The following DAB1 variants were observed in gnomAD, a reference collection of about 807,000 sequenced individuals.
DAB1 encodes the protein disabled homolog 1.
A neutral mutation model predicts 64.6 loss-of-function variants in DAB1; 15 were observed. The ratio of observed to expected loss-of-function variants is 0.23; its 90% CI spans 0.16 to 0.36. The LOEUF is 0.36. DAB1 is among the 10% of genes least tolerant of loss of function. DAB1 has a pLI of 1.00. For missense variants in DAB1, 596 were observed against 706.7 expected (o/e 0.84, Z 1.78); for synonymous variants, 235 against 251.9 (o/e 0.93, Z 0.64).
intron 5 of DAB1, among the ~76,000 whole-genome samples, chr1:57,962,959 T>C (rs578135299): frequency 2.6e-5 from 4 of 152,234 alleles, no homozygotes; most frequent in South Asian, 4.1e-4. Flanking sequence ...TTTTATGCTA[T>C]ATTTTCTTAC....
rs556969968 is a variant in DAB1 at position 57,368,370 on chromosome 1, G to T, written c.-137+55560C>A. ...GGGGCTGAAGGATGGGGGCGGGGCTGCCAGTCCCACGAACCAGAGTGGGAA... is the reference window on the plus strand; with the variant it reads ...GGGGCTGAAGGATGGGGGCGGGGCTTCCAGTCCCACGAACCAGAGTGGGAA... On this transcript the variant is annotated intron_variant, in intron 1 of 14. Coordinates refer to ENST00000371236, the MANE Select transcript of DAB1 (RefSeq NM_001365792.1). Among the ~76,000 whole-genome samples the T allele has an allele frequency of 4.6e-4, 70 of 152,272 alleles. 2 individuals carry two copies. In the East Asian group the frequency reaches 0.01, roughly 22 times the overall value.
chr1:58,013,915 AG>A (rs1646704539), intron 5 of DAB1, among the ~76,000 whole-genome samples: 1 of 150,614 alleles, frequency 6.6e-6, no homozygotes, highest in East Asian at 1.9e-4. Flanking sequence ...TTTCTTTTTA[AG>A]ATGACTGTAG....
chr1:57,728,419 C>T (rs1232578326), intron 6 of DAB1, among the ~76,000 whole-genome samples: 2 of 152,026 alleles, frequency 1.3e-5, no homozygotes, highest in Non-Finnish European at 2.9e-5. Context: ...CGGTGAAACC[C>T]CGGCTCTACT....
chr1:57,577,158 A>G (rs752188466), intron 7 of DAB1, among the ~76,000 whole-genome samples: 3 of 152,178 alleles, frequency 2.0e-5, no homozygotes, highest in Non-Finnish European at 2.9e-5. Context: ...ACACTTTGGT[A>G]CCCATTCAGA....
At chr1:58,122,689 T>A (rs1652824013) in intron 5 of DAB1, among the ~76,000 whole-genome samples, 1 of 152,186 alleles carries the variant, frequency 6.6e-6, no homozygotes, top group Non-Finnish European at 1.5e-5. Flanking sequence ...CATCACTTCC[T>A]CACTAGGTGA....
intron 4 of DAB1, among the ~76,000 whole-genome samples, chr1:58,158,435 C>A (rs958480132): frequency 5.9e-5 from 9 of 152,134 alleles, no homozygotes; most frequent in Admixed American, 1.3e-4. Flanking sequence ...TCAGTCCTGG[C>A]TTGTTCAAAG....
intron 1 of DAB1, among the ~76,000 whole-genome samples, chr1:57,322,925 A>T (rs1675838897): frequency 6.6e-6 from 1 of 152,086 alleles, no homozygotes; most frequent in Non-Finnish European, 1.5e-5. Context: ...CTTTCTAAAG[A>T]CCCTCAGGTT....
In DAB1 at chr1:58,095,110, C is replaced by T. The variant is rs546553904; in HGVS notation, n.387+55401G>A. Among the ~76,000 whole-genome samples, 333 of 152,260 alleles carry T rather than the reference C, an allele frequency of 2.2e-3. 2 individuals are homozygous for T. Among genetic ancestry groups the T allele is most frequent in the African/African-American group, 7.7e-3 (318 of 41,538 alleles). ...GCTAGAGTTCGCTGACCCCGGCTCT[C>T]GACTGTAAGTTGTCTCAGGACATGG... is the stretch of plus-strand genomic sequence containing the variant. On this transcript the variant is annotated intron_variant and non_coding_transcript_variant, in intron 5 of 20. Transcript: ENST00000485760.
At chr1:58,215,546 A>G (rs1483728181) in intron 4 of DAB1, among the ~76,000 whole-genome samples, 2 of 152,144 alleles carry the variant, frequency 1.3e-5, no homozygotes, top group African/African-American at 2.4e-5. Context: ...ATATATTTTC[A>G]GCAACGAAAG....
At chr1:57,547,258 G>A (rs972452146) in intron 7 of DAB1, among the ~76,000 whole-genome samples, 2 of 149,544 alleles carry the variant, frequency 1.3e-5, no homozygotes, top group African/African-American at 5.1e-5. Flanking sequence ...AGAACATTAA[G>A]CATGTGTATT....
intron 4 of DAB1, among the ~76,000 whole-genome samples, chr1:58,193,245 G>A (rs116318917): frequency 0.012 from 1,817 of 152,194 alleles, 38 homozygotes; most frequent in African/African-American, 0.042. Context: ...CTTTCTCACC[G>A]TCTTTTGCTT....
chr1:57,006,437 A>C (rs894745042), intron 14 of DAB1, among the ~76,000 whole-genome samples: 2 of 152,072 alleles, frequency 1.3e-5, no homozygotes, highest in African/African-American at 4.8e-5. Context: ...ATCCTACCTT[A>C]TGTCCTCTTC....
intron 5 of DAB1, among the ~76,000 whole-genome samples, chr1:57,907,860 TGTGTATATATATATATA>T (rs1644577333): frequency 7.1e-6 from 1 of 140,748 alleles, no homozygotes; most frequent in African/African-American, 2.6e-5. Flanking sequence ...CTAGAAGGTA[TGTGTATATATATATATA>T]CACATACACA....
chr1:57,409,282 C>G (rs987802685), intron 1 of DAB1, among the ~76,000 whole-genome samples: 3 of 152,218 alleles, frequency 2.0e-5, no homozygotes, highest in Non-Finnish European at 4.4e-5. Flanking sequence ...GTCACACTTT[C>G]AGTTCTTCCA....
intron 3 of DAB1, among the ~76,000 whole-genome samples, chr1:58,432,427 C>T (rs1349293130): frequency 1.3e-5 from 2 of 152,170 alleles, no homozygotes; most frequent in African/African-American, 2.4e-5. Flanking sequence ...GACACAATGT[C>T]TCCTGACACA....
chr1:57,373,232 T>C (rs1430137124), intron 1 of DAB1, among the ~76,000 whole-genome samples: 1 of 152,074 alleles, frequency 6.6e-6, no homozygotes, highest in Non-Finnish European at 1.5e-5. Context: ...AAGATGTCAG[T>C]TCATTGGAAT....
At chr1:57,944,936 C>T (rs1397467934) in intron 5 of DAB1, among the ~76,000 whole-genome samples, 1 of 152,160 alleles carries the variant, frequency 6.6e-6, no homozygotes, top group Admixed American at 6.5e-5. Flanking sequence ...TTTTCTCTAC[C>T]ATGGTCACCA....
At chr1:57,055,129 G>A (rs1175047359) in intron 9 of DAB1, among the ~76,000 whole-genome samples, 1 of 152,178 alleles carries the variant, frequency 6.6e-6, no homozygotes, top group Non-Finnish European at 1.5e-5. Flanking sequence ...CAGACACCCT[G>A]ACATAAAAAT....
chr1:57,926,845 A>G (rs1381374402), intron 5 of DAB1, among the ~76,000 whole-genome samples: 4 of 152,216 alleles, frequency 2.6e-5, no homozygotes, highest in Non-Finnish European at 5.9e-5. Context: ...TCAGCTCCAA[A>G]TTGCAAAGTT....
Sources: gnomAD v4.1 joint callset for allele counts (sites outside exome capture counted in the v4.1 genomes callset) on GRCh38, gnomAD v4.1.1 for gene constraint, MANE v1.5 for transcripts, NCBI Gene and HGNC (gene_info 2026-07-23, HGNC 2026-07-21) for gene names.